Variants in MYT1L observed in about 807,000 individuals in gnomAD.
MYT1L encodes the protein myelin transcription factor 1-like protein.
A neutral mutation model predicts 126.7 loss-of-function variants in MYT1L; 12 were observed. The observed-to-expected ratio is 0.09, with a 90% CI of 0.06 to 0.15. The LOEUF (loss-of-function observed/expected upper bound fraction) is 0.15. Among genes scored for constraint, MYT1L ranks in the 10% least tolerant of loss-of-function variants. The pLI is 1.00. For missense variants in MYT1L, 979 were observed against 1,585.2 expected (o/e 0.62, Z 6.49); for synonymous variants, 541 against 604.2 (o/e 0.90, Z 1.53).
intron 8 of MYT1L, among the ~76,000 whole-genome samples, chr2:1,944,096 ATTTTC>A (rs1335354477): frequency 6.6e-6 from 1 of 151,544 alleles, no homozygotes; most frequent in Non-Finnish European, 1.5e-5. Flanking sequence ...AGAAACAACG[ATTTTC>A]TTTTTTTTAT....
intron 5 of MYT1L, among the ~76,000 whole-genome samples, chr2:1,990,340 G>A (rs2061364117): frequency 6.6e-6 from 1 of 152,198 alleles, no homozygotes; most frequent in Non-Finnish European, 1.5e-5. Context: ...CTGAGGGTGA[G>A]GGCTTTTTCA....
chr2:2,148,722 T>C (rs1451672438), intron 3 of MYT1L, among the ~76,000 whole-genome samples: 3 of 152,296 alleles, frequency 2.0e-5, no homozygotes, highest in Middle Eastern at 3.4e-3. Flanking sequence ...CCATTAAGAT[T>C]GGAAGCTTGG....
intron 4 of MYT1L, among the ~76,000 whole-genome samples, chr2:2,001,926 C>T (rs2062433833): frequency 6.6e-6 from 1 of 152,104 alleles, no homozygotes; most frequent in Non-Finnish European, 1.5e-5. Flanking sequence ...CACCTTCTTT[C>T]TACATGGAAA....
intron 16 of MYT1L, among the ~76,000 whole-genome samples, chr2:1,888,248 G>C (rs1385319989): frequency 5.3e-5 from 8 of 152,156 alleles, no homozygotes; most frequent in Non-Finnish European, 1.2e-4. Context: ...GTCATTTTAG[G>C]AGGGCTTACT....
At chr2:2,299,705 G>A (rs185068937) in intron 1 of MYT1L, among the ~76,000 whole-genome samples, 7 of 152,272 alleles carry the variant, frequency 4.6e-5, no homozygotes, top group Admixed American at 3.9e-4. Context: ...TTTTTCTTCA[G>A]CTCTGCTTAG....
At chr2:2,031,144 G>A (rs754710417) in intron 4 of MYT1L, among the ~76,000 whole-genome samples, 1 of 152,192 alleles carries the variant, frequency 6.6e-6, no homozygotes, top group African/African-American at 2.4e-5. Context: ...TAGAGATGTG[G>A]CATGTCAACA....
At chr2:1,809,024 C>T in intron 22 of MYT1L, 52 bp downstream of exon 22, 1 of 1,537,432 alleles carries the variant, frequency 6.5e-7, no homozygotes, top group Non-Finnish European at 9.0e-7. Context: ...CATGGCCGTG[C>T]CCGCTGGGCC....
At chr2:1,846,976 C>A (rs1265459525) in intron 19 of MYT1L, among the ~76,000 whole-genome samples, 1 of 152,184 alleles carries the variant, frequency 6.6e-6, no homozygotes, top group African/African-American at 2.4e-5. Context: ...TCTTCAGGAC[C>A]TGGTGATGTC....
chr2:2,030,946 A>C (rs763545351), intron 4 of MYT1L, among the ~76,000 whole-genome samples: 5 of 152,322 alleles, frequency 3.3e-5, no homozygotes, highest in Admixed American at 1.3e-4. Flanking sequence ...AATTTTGTCT[A>C]AAGCATTAGT....
At chr2:2,011,541 T>TA (rs2063827703) in intron 4 of MYT1L, among the ~76,000 whole-genome samples, 1 of 151,908 alleles carries the variant, frequency 6.6e-6, no homozygotes, top group South Asian at 2.1e-4. Flanking sequence ...ATCAAAATTT[T>TA]AAAAAACAGA....
chr2:1,814,248 A>G (rs953582049), intron 21 of MYT1L, among the ~76,000 whole-genome samples: 1 of 151,870 alleles, frequency 6.6e-6, no homozygotes, highest in African/African-American at 2.4e-5. Flanking sequence ...CCCTGTCCCC[A>G]TCCAACTGAC....
At chr2:1,963,086 C>T (rs1335208840) in intron 8 of MYT1L, among the ~76,000 whole-genome samples, 1 of 152,178 alleles carries the variant, frequency 6.6e-6, no homozygotes, top group Admixed American at 6.5e-5. Flanking sequence ...AATAATAAGG[C>T]TCGAAAGTCA....
intron 4 of MYT1L, among the ~76,000 whole-genome samples, chr2:2,040,091 G>C (rs1222266082): frequency 6.6e-6 from 1 of 152,180 alleles, no homozygotes; most frequent in African/African-American, 2.4e-5. Context: ...CTTAATATGT[G>C]CTGATCACAG....
chr2:1,808,955 A>C, intron 22 of MYT1L, 121 bp downstream of exon 22: 1 of 869,484 alleles, frequency 1.2e-6, no homozygotes, highest in South Asian at 1.5e-5. Context: ...GGCCAGAATT[A>C]TCTCTGCCCC....
rs1050044650 is a variant in MYT1L, at chr2:1,979,362, G to A, written c.90-135C>T. ...CACAATCCAAAGGAGGGGGAAATTC[G>A]GGGAGGCTTTTTACGAGCAAGTCTC... On this transcript the variant is annotated intron_variant, in intron 7 of 24. Coordinates refer to ENST00000647738, the MANE Select transcript of MYT1L (RefSeq NM_001303052.2). The surrounding 1 kb of genome is among the most constrained non-coding windows in gnomAD (Gnocchi z 4.0). The A allele has an allele frequency of 1.5e-5, 17 of 1,099,486 alleles. No individual in the cohort carries two copies. Among genetic ancestry groups the A allele is most frequent in the Non-Finnish European group, 1.9e-5 (14 of 733,912 alleles). 68.1% of individuals were successfully genotyped at this position (1,099,486 alleles called of 1,614,324 possible).
chr2:2,244,729 A>T (rs1447371217), intron 2 of MYT1L, among the ~76,000 whole-genome samples: 1 of 152,186 alleles, frequency 6.6e-6, no homozygotes, highest in Non-Finnish European at 1.5e-5. Context: ...ACTTGATAAG[A>T]TGTGGCCCTT....
chr2:2,108,641 G>T (rs180844728), intron 3 of MYT1L, among the ~76,000 whole-genome samples: 1 of 152,308 alleles, frequency 6.6e-6, no homozygotes, highest in East Asian at 1.9e-4. Context: ...TTAAAAGCTG[G>T]TTAACTGTAA....
At chr2:1,872,476 ATTTTTAT>A (rs2046394336) in intron 18 of MYT1L, among the ~76,000 whole-genome samples, 2 of 152,204 alleles carry the variant, frequency 1.3e-5, no homozygotes, top group African/African-American at 4.8e-5. Context: ...GCTGGTCAAC[ATTTTTAT>A]TTGATGATTT....
intron 1 of MYT1L, among the ~76,000 whole-genome samples, chr2:2,295,973 A>G (rs1420295563): frequency 6.6e-6 from 1 of 152,154 alleles, no homozygotes; most frequent in Non-Finnish European, 1.5e-5. Flanking sequence ...AGAGAAGAAT[A>G]AAGCCAGAGA....
Sources: gnomAD v4.1 joint callset for allele counts (sites outside exome capture counted in the v4.1 genomes callset) on GRCh38, gnomAD v4.1.1 for gene constraint, Gnocchi (gnomAD v3.1) non-coding constraint, MANE v1.5 for transcripts, NCBI Gene and HGNC (gene_info 2026-07-23, HGNC 2026-07-21) for gene names.